Variants in TSHZ2 observed in about 807,000 individuals in gnomAD.
TSHZ2 encodes teashirt homolog 2.
Under a neutral mutation model 74.4 loss-of-function variants are expected in TSHZ2, and 21 were observed. The observed-to-expected ratio is 0.28, with a 90% CI of 0.20 to 0.41. TSHZ2 has a LOEUF of 0.41. Among genes scored for constraint, TSHZ2 ranks in the 10% least tolerant of loss-of-function variants. The pLI, the probability that TSHZ2 is intolerant of heterozygous loss-of-function variation, is 1.00. For synonymous variants in TSHZ2, 540 were observed against 515.3 expected (o/e 1.05, Z -0.65); for missense variants, 1,244 against 1,293.5 (o/e 0.96, Z 0.59).
chr20:53,263,209 G>A (rs957842697), intron 2 of TSHZ2, among the ~76,000 whole-genome samples: 2 of 152,168 alleles, frequency 1.3e-5, no homozygotes, highest in South Asian at 2.1e-4. Context: ...CAGTGATCAA[G>A]AGCTTTTTCT....
chr20:53,122,667 G>T (rs1986843884), intron 1 of TSHZ2, among the ~76,000 whole-genome samples: 1 of 152,076 alleles, frequency 6.6e-6, no homozygotes. Flanking sequence ...GCTCTCTCTG[G>T]CATCTGGGCC....
At chr20:53,061,106 A>G (rs1488918517) in intron 1 of TSHZ2, among the ~76,000 whole-genome samples, 1 of 152,244 alleles carries the variant, frequency 6.6e-6, no homozygotes, top group Non-Finnish European at 1.5e-5. Flanking sequence ...TGAACCCCAA[A>G]GAACATTTGT....
At chr20:53,088,621 A>G (rs1985772359) in intron 1 of TSHZ2, among the ~76,000 whole-genome samples, 1 of 152,208 alleles carries the variant, frequency 6.6e-6, no homozygotes, top group South Asian at 2.1e-4. Context: ...ATTTTTTTGA[A>G]GAATTCTATC....
intron 1 of TSHZ2, among the ~76,000 whole-genome samples, chr20:53,129,058 G>A (rs1301618581): frequency 6.6e-6 from 1 of 152,080 alleles, no homozygotes; most frequent in Non-Finnish European, 1.5e-5. Flanking sequence ...CAATCTAGTA[G>A]GAGAATCTCT....
chr20:53,114,535 A>G (rs1986618915), intron 1 of TSHZ2, among the ~76,000 whole-genome samples: 3 of 152,204 alleles, frequency 2.0e-5, no homozygotes, highest in Admixed American at 6.5e-5. Flanking sequence ...TTTCCAGTGC[A>G]GTCTGGTCAA....
At chr20:53,222,187 AC>A (rs1989579527) in intron 1 of TSHZ2, among the ~76,000 whole-genome samples, 1 of 152,044 alleles carries the variant, frequency 6.6e-6, no homozygotes, top group Non-Finnish European at 1.5e-5. Context: ...AGTCCACTCT[AC>A]CCCTCCTCCC....
At chr20:53,200,536 T>C (rs901605667) in intron 1 of TSHZ2, among the ~76,000 whole-genome samples, 10 of 152,154 alleles carry the variant, frequency 6.6e-5, no homozygotes, top group Admixed American at 3.3e-4. Flanking sequence ...TAGGAGGAGA[T>C]TGGATATGCA....
At chr20:53,004,468 C>A (rs1176682089) in intron 1 of TSHZ2, among the ~76,000 whole-genome samples, 1 of 152,200 alleles carries the variant, frequency 6.6e-6, no homozygotes, top group African/African-American at 2.4e-5. Flanking sequence ...GCCTTGACCC[C>A]ATGCAGGCGT....
intron 2 of TSHZ2, chr20:53,398,531 G>T (rs1982538679): frequency 6.6e-6 from 1 of 152,262 alleles, no homozygotes; most frequent in South Asian, 2.1e-4. Flanking sequence ...TGGGCAGATT[G>T]CTTGAGCCCA....
intron 2 of TSHZ2, among the ~76,000 whole-genome samples, chr20:53,369,659 G>A (rs762756928): frequency 2.7e-4 from 41 of 152,158 alleles, no homozygotes; most frequent in African/African-American, 8.2e-4. Context: ...TGCAGTGGGC[G>A]GAGATGGAAC....
At chr20:53,024,862 T>C (rs1477820762) in intron 1 of TSHZ2, among the ~76,000 whole-genome samples, 2 of 152,164 alleles carry the variant, frequency 1.3e-5, no homozygotes, top group Non-Finnish European at 2.9e-5. Flanking sequence ...TTCCATGGTG[T>C]ATATGTACCA....
At chr20:53,191,912 C>A (rs1469432651) in intron 1 of TSHZ2, among the ~76,000 whole-genome samples, 1 of 152,054 alleles carries the variant, frequency 6.6e-6, no homozygotes, top group Admixed American at 6.6e-5. Flanking sequence ...TTCACTTATT[C>A]TTTGTCTTTT....
chr20:53,193,301 C>G lies in TSHZ2; in HGVS notation c.41-60198C>G, dbSNP rs140459642. ...TTTCCAGTCTTCTGTTTCCTACCCT[C>G]TTTGTCTTGTTCCCTTCTCCTGGGC... On this transcript the variant is annotated intron_variant, in intron 1 of 2. Coordinates refer to ENST00000371497, the MANE Select transcript of TSHZ2 (RefSeq NM_173485.6). 3.7e-3 allele frequency among the ~76,000 whole-genome samples: 557 copies of G among 152,312 alleles called. 2 individuals carry two copies. The highest frequency in any genetic ancestry group is 6.7e-3 in the Non-Finnish European group (455 of 68,026).
intron 1 of TSHZ2, chr20:53,185,473 T>C (rs1304410299): frequency 1.5e-6 from 2 of 1,363,184 alleles, no homozygotes; most frequent in East Asian, 5.6e-5. Context: ...AGGTCAGGAG[T>C]TCAAGACCAG....
At chr20:53,435,577 G>A (rs1047998624) in intron 2 of TSHZ2, among the ~76,000 whole-genome samples, 2 of 152,106 alleles carry the variant, frequency 1.3e-5, no homozygotes, top group Admixed American at 6.5e-5. Context: ...GCAGTGGCGC[G>A]ATCTTGGCTC....
chr20:53,112,907 T>C (rs934871302), intron 1 of TSHZ2, among the ~76,000 whole-genome samples: 35 of 152,238 alleles, frequency 2.3e-4, no homozygotes, highest in African/African-American at 8.4e-4. Context: ...TTTTTAATAG[T>C]CTTCATCAAA....
intron 1 of TSHZ2, among the ~76,000 whole-genome samples, chr20:53,061,144 T>C (rs1476420844): frequency 6.6e-6 from 1 of 152,228 alleles, no homozygotes; most frequent in East Asian, 1.9e-4. Flanking sequence ...AATGACTGAA[T>C]GCAACCCTGA....
chr20:53,069,707 A>G (rs865982149), intron 1 of TSHZ2, among the ~76,000 whole-genome samples: 15 of 108,460 alleles, frequency 1.4e-4, no homozygotes, highest in African/African-American at 3.8e-4. Context: ...ACACACACAC[A>G]CACGCTCAAG....
intron 2 of TSHZ2, among the ~76,000 whole-genome samples, chr20:53,401,880 T>G (rs1049262845): frequency 7.3e-5 from 11 of 150,804 alleles, no homozygotes. Flanking sequence ...CCTCCCGGGT[T>G]CACGCCATTC....
Sources: gnomAD v4.1 joint callset for allele counts (sites outside exome capture counted in the v4.1 genomes callset) on GRCh38, gnomAD v4.1.1 for gene constraint, MANE v1.5 for transcripts, NCBI Gene and HGNC (gene_info 2026-07-23, HGNC 2026-07-21) for gene names.